GDA: variants seen among roughly 807,000 people sequenced by gnomAD.
GDA encodes cytoplasmic PSD-95 interactor.
Under a neutral mutation model 59.6 loss-of-function variants are expected in GDA, and 18 were observed. The observed-to-expected ratio is 0.30, with a 90% CI of 0.21 to 0.45. The LOEUF (loss-of-function observed/expected upper bound fraction) is 0.45, where lower values mean the gene tolerates loss of function less well. GDA is among the 20% of genes least tolerant of loss of function. The probability of loss-of-function intolerance (pLI) is 1.00; values close to 1 mark genes in which losing one functional copy is unlikely to be tolerated. For synonymous variants in GDA, 201 were observed against 201.1 expected (o/e 1.00, Z 0.00); for missense variants, 427 against 552.3 (o/e 0.77, Z 2.27).
intron 1 of GDA, among the ~76,000 whole-genome samples, chr9:72,170,586 G>T (rs565838607): frequency 6.6e-6 from 1 of 152,134 alleles, no homozygotes; most frequent in African/African-American, 2.4e-5. Flanking sequence ...AATGGATATG[G>T]GGAGGCTTAC....
intron 1 of GDA, among the ~76,000 whole-genome samples, chr9:72,184,698 G>A (rs2131126803): frequency 6.6e-6 from 1 of 152,286 alleles, no homozygotes; most frequent in Middle Eastern, 3.4e-3. Flanking sequence ...TAAGCCACCA[G>A]AGTCTGTACT....
At chr9:72,164,907 G>C (rs543072635) in intron 1 of GDA, among the ~76,000 whole-genome samples, 1 of 150,382 alleles carries the variant, frequency 6.6e-6, no homozygotes, top group Non-Finnish European at 1.5e-5. Context: ...GGAGAATGGC[G>C]TGAAACCGGG....
At chr9:72,123,153 C>G (rs1825721364) in intron 1 of GDA, among the ~76,000 whole-genome samples, 1 of 151,204 alleles carries the variant, frequency 6.6e-6, no homozygotes, top group South Asian at 2.1e-4. Context: ...ATACTTCCCA[C>G]TCTCAGAGCT....
intron 8 of GDA, 72 bp from the exon 9 acceptor site, chr9:72,227,871 A>T (rs1837790859): frequency 1.3e-6 from 1 of 794,514 alleles, no homozygotes; most frequent in African/African-American, 1.7e-5. Flanking sequence ...TCTCTCTAAA[A>T]TACCTTGTGA....
At chr9:72,122,634 T>TACACACAC (rs112045510) in intron 1 of GDA, among the ~76,000 whole-genome samples, 1,560 of 147,468 alleles carry the variant, frequency 0.011, 27 homozygotes, top group African/African-American at 0.036. Context: ...TGTATACATT[T>TACACACAC]ACACACACAC....
intron 1 of GDA, among the ~76,000 whole-genome samples, chr9:72,135,265 G>A (rs1826180840): frequency 6.6e-6 from 1 of 151,656 alleles, no homozygotes; most frequent in South Asian, 2.1e-4. Context: ...TTCAGTCAAC[G>A]AAAGTAATCA....
At chr9:72,157,216 T>C (rs1019345894) in intron 1 of GDA, among the ~76,000 whole-genome samples, 1 of 152,028 alleles carries the variant, frequency 6.6e-6, no homozygotes, top group African/African-American at 2.4e-5. Flanking sequence ...ATTTTTTGTA[T>C]TTTTAGTAGA....
At chr9:72,162,256 G>A (rs2130854045) in intron 1 of GDA, among the ~76,000 whole-genome samples, 1 of 152,274 alleles carries the variant, frequency 6.6e-6, no homozygotes, top group Middle Eastern at 3.4e-3. Flanking sequence ...AAAATGGTAA[G>A]CAAAAGAGAT....
chr9:72,181,617 G>A (rs1399198147), intron 1 of GDA, among the ~76,000 whole-genome samples: 3 of 152,066 alleles, frequency 2.0e-5, no homozygotes, highest in South Asian at 2.1e-4. Context: ...GAGCCACCGC[G>A]CCTGGCCTCA....
intron 11 of GDA, among the ~76,000 whole-genome samples, chr9:72,243,388 C>T (rs1386038731): frequency 6.6e-6 from 1 of 152,182 alleles, no homozygotes; most frequent in East Asian, 1.9e-4. Context: ...TTGCCTAAAC[C>T]CTAGTCACTG....
chr9:72,181,764 C>T (rs928842360), intron 1 of GDA, among the ~76,000 whole-genome samples: 8 of 152,170 alleles, frequency 5.3e-5, no homozygotes, highest in African/African-American at 1.7e-4. Flanking sequence ...TTCAGCCTCC[C>T]AAAGTGTGGG....
chr9:72,162,291 G>C (rs1828729287), intron 1 of GDA, among the ~76,000 whole-genome samples: 2 of 152,118 alleles, frequency 1.3e-5, no homozygotes, highest in African/African-American at 2.4e-5. Context: ...ATTTGCACTC[G>C]GAGTCAATAA....
chr9:72,214,112 G>GCAGA, intron 5 of GDA, 121 bp downstream of exon 5: 2 of 628,460 alleles, frequency 3.2e-6, no homozygotes, highest in Non-Finnish European at 2.9e-6. Flanking sequence ...TGCACATAGT[G>GCAGA]ACTCAGAATG....
In GDA at chr9:72,251,535, G is replaced by A. The variant is rs887353543; in HGVS notation, c.*3193G>A. ...TGATGATTGCTGGAAACATTCACAC[G>A]CTTAAAAGCAATGGTGTGAGTTATT... is the stretch of plus-strand genomic sequence containing the variant. On this transcript the variant is annotated 3_prime_UTR_variant, in exon 14 of 14. Coordinates refer to ENST00000358399, the MANE Select transcript of GDA (RefSeq NM_004293.5). 3 of 152,052 alleles carry A rather than the reference G, an allele frequency of 2.0e-5. No individual in the cohort carries two copies. Among genetic ancestry groups the A allele is most frequent in the African/African-American group, 7.2e-5 (3 of 41,412 alleles). 9.4% of individuals were successfully genotyped at this position (152,052 alleles called of 1,614,324 possible).
At chr9:72,238,098 G>A (rs140677461) in intron 10 of GDA, among the ~76,000 whole-genome samples, 36 of 152,226 alleles carry the variant, frequency 2.4e-4, no homozygotes, top group East Asian at 1.9e-4. Flanking sequence ...GCTCTGCAAT[G>A]GTTTGACACC....
At chr9:72,200,250 C>T (rs924345548) in intron 2 of GDA, among the ~76,000 whole-genome samples, 1 of 152,138 alleles carries the variant, frequency 6.6e-6, no homozygotes, top group Admixed American at 6.6e-5. Flanking sequence ...CCCGCCTTGG[C>T]CTCCCAAAGT....
chr9:72,229,171 T>TAAA (rs34554102), intron 9 of GDA: 21 of 42,322 alleles, frequency 5.0e-4, no homozygotes, highest in African/African-American at 1.5e-3. Context: ...CAGTCTCTAC[T>TAAA]AAAAAAAAAA....
intron 1 of GDA, among the ~76,000 whole-genome samples, chr9:72,154,662 A>G (rs991990858): frequency 6.6e-6 from 1 of 152,218 alleles, no homozygotes; most frequent in African/African-American, 2.4e-5. Flanking sequence ...TAGACTTGAC[A>G]ATGTCATTAT....
intron 1 of GDA, among the ~76,000 whole-genome samples, chr9:72,181,759 C>T (rs1831251616): frequency 6.6e-6 from 1 of 152,202 alleles, no homozygotes; most frequent in African/African-American, 2.4e-5. Flanking sequence ...CACATTTCAG[C>T]CTCCCAAAGT....
Sources: allele counts gnomAD v4.1 joint callset (sites outside exome capture counted in the v4.1 genomes callset), GRCh38; gene constraint gnomAD v4.1.1; transcripts MANE v1.5; gene names NCBI Gene and HGNC (gene_info 2026-07-23, HGNC 2026-07-21).